Variants in YWHAG observed in about 807,000 individuals in gnomAD.
YWHAG encodes tyrosine 3-monooxygenase/tryptophan 5-monooxygenase activation protein gamma.
Under a neutral mutation model 23.3 loss-of-function variants are expected in YWHAG, and 1 was observed. The ratio of observed to expected loss-of-function variants is 0.04; its 90% CI spans 0.02 to 0.20. The LOEUF is 0.20. Among genes scored for constraint, YWHAG ranks in the 10% least tolerant of loss-of-function variants. The pLI is 1.00. For synonymous variants in YWHAG, 160 were observed against 144.0 expected (o/e 1.11, Z -0.80); for missense variants, 151 against 338.6 (o/e 0.45, Z 4.35).
At chr7:76,342,283 T>C (rs1160563947) in intron 1 of YWHAG, among the ~76,000 whole-genome samples, 1 of 152,104 alleles carries the variant, frequency 6.6e-6, no homozygotes, top group Non-Finnish European at 1.5e-5. Context: ...ATCCCACCAA[T>C]ACGGAGGAAA....
Position 76,327,131 on chromosome 7 carries a change from T to G in YWHAG, c.*2446A>C. 6.6e-6 allele frequency: 1 copy of G among 152,254 alleles called. No homozygotes were observed. The highest frequency in any genetic ancestry group is 1.9e-4 in the East Asian group (1 of 5,198). The allele number at this position is 152,254 out of a possible 1,614,324, so 9.4% of individuals were successfully genotyped here. A position where few individuals can be genotyped will look rare whatever the true frequency, so the allele number is the denominator to read the frequency against. On this transcript the variant is annotated 3_prime_UTR_variant, in exon 2 of 2. Transcript: ENST00000307630. ...CCCTTTTAAAAACAAAATATATAAC[T>G]GCATGTCACTATAGCAACATCCAAA...
chr7:76,351,214 A>G (rs1040640634), intron 1 of YWHAG, among the ~76,000 whole-genome samples: 6 of 152,188 alleles, frequency 3.9e-5, no homozygotes, highest in Admixed American at 3.9e-4. Flanking sequence ...CATTGTTCAC[A>G]GCCTTCCAAA....
intron 1 of YWHAG, among the ~76,000 whole-genome samples, chr7:76,355,633 T>C (rs932426255): frequency 4.6e-5 from 7 of 151,944 alleles, no homozygotes; most frequent in Non-Finnish European, 8.8e-5. Flanking sequence ...TGGAAGAGCC[T>C]GGGGGGGAGG....
intron 1 of YWHAG, among the ~76,000 whole-genome samples, chr7:76,357,836 A>G (rs892564080): frequency 9.2e-5 from 14 of 152,214 alleles, no homozygotes; most frequent in Admixed American, 7.2e-4. Context: ...GATCAGACAG[A>G]ATATTTTTTC....
chr7:76,348,400 C>T (rs1355363079), intron 1 of YWHAG, among the ~76,000 whole-genome samples: 7 of 149,054 alleles, frequency 4.7e-5, no homozygotes, highest in Non-Finnish European at 7.4e-5. Flanking sequence ...GGACTATAGG[C>T]GCACGCCACC....
At chr7:76,354,939 A>G (rs975651608) in intron 1 of YWHAG, among the ~76,000 whole-genome samples, 4 of 152,252 alleles carry the variant, frequency 2.6e-5, no homozygotes, top group Admixed American at 6.5e-5. Context: ...AAACGTAGCT[A>G]AAGCTAATTC....
chr7:76,336,772 T>C (rs1398228181), intron 1 of YWHAG, among the ~76,000 whole-genome samples: 1 of 151,486 alleles, frequency 6.6e-6, no homozygotes, highest in African/African-American at 2.4e-5. Context: ...TTTTTTTTTT[T>C]TCAACCTAGC....
rs1333754521 is a variant in YWHAG at position 76,327,204 on chromosome 7, C to G, written c.*2373G>C. ...CTATTTGGTAGAGCAAACTTTACCC[C>G]CAAAAGGAAAAATTAAATTAAAAAA... is the stretch of plus-strand genomic sequence containing the variant. On this transcript the variant is annotated 3_prime_UTR_variant, in exon 2 of 2. Transcript: ENST00000307630. 6.6e-6 allele frequency: 1 copy of G among 151,184 alleles called. No individual in the cohort carries two copies. Among genetic ancestry groups the G allele is most frequent in the Non-Finnish European group, 1.5e-5 (1 of 67,900 alleles). 9.4% of individuals were successfully genotyped at this position (151,184 alleles called of 1,614,324 possible). A position where few individuals can be genotyped will look rare whatever the true frequency, so the allele number is the denominator to read the frequency against.
intron 1 of YWHAG, among the ~76,000 whole-genome samples, chr7:76,330,499 T>C (rs1048364264): frequency 1.3e-5 from 2 of 152,224 alleles, no homozygotes; most frequent in African/African-American, 4.8e-5. Context: ...CACAAAACAC[T>C]GTCAAGTCTA....
Position 76,327,869 on chromosome 7 carries a change from T to C in YWHAG, c.*1708A>G, listed in dbSNP as rs572146507. On this transcript the variant is annotated 3_prime_UTR_variant, in exon 2 of 2. Transcript: ENST00000307630. Reference sequence around the variant, plus strand: ...AAACTGTGCGATGTTACAGAGCACATTGAGTCTGTGGTCATCGTGGTTCTT... The same window carrying C: ...AAACTGTGCGATGTTACAGAGCACACTGAGTCTGTGGTCATCGTGGTTCTT... 5.3e-5 allele frequency: 8 copies of C among 152,248 alleles called. No homozygotes were observed. Among genetic ancestry groups the C allele is most frequent in the South Asian group, 2.1e-4 (1 of 4,826 alleles). 9.4% of individuals were successfully genotyped at this position (152,248 alleles called of 1,614,324 possible). A position where few individuals can be genotyped will look rare whatever the true frequency, so the allele number is the denominator to read the frequency against.
chr7:76,333,103 G>T (rs1373828149), intron 1 of YWHAG, among the ~76,000 whole-genome samples: 2 of 152,120 alleles, frequency 1.3e-5, no homozygotes, highest in African/African-American at 4.8e-5. Flanking sequence ...CTGAGTGGCT[G>T]GGACTAAGGC....
At chr7:76,351,590 C>T (rs1803873100) in intron 1 of YWHAG, among the ~76,000 whole-genome samples, 1 of 152,212 alleles carries the variant, frequency 6.6e-6, no homozygotes, top group Non-Finnish European at 1.5e-5. Flanking sequence ...TGAGCTCCGC[C>T]TCCTGTCAGA....
chr7:76,353,493 G>A (rs563490891), intron 1 of YWHAG, among the ~76,000 whole-genome samples: 2 of 152,206 alleles, frequency 1.3e-5, no homozygotes, highest in Admixed American at 1.3e-4. Flanking sequence ...TTACAGGCGT[G>A]AGCCACCGTG....
intron 1 of YWHAG, among the ~76,000 whole-genome samples, chr7:76,333,525 C>T (rs890223345): frequency 6.6e-6 from 1 of 152,222 alleles, no homozygotes; most frequent in African/African-American, 2.4e-5. Context: ...TAACGATCTC[C>T]CAGCTCATCT....
Position 76,350,363 on chromosome 7 carries a change from G to C in YWHAG, c.87+8359C>G, listed in dbSNP as rs570196441. Among the ~76,000 whole-genome samples, 6 of 152,270 alleles carry C rather than the reference G, an allele frequency of 3.9e-5. No individual in the cohort carries two copies. In the East Asian group the frequency reaches 1.2e-3, roughly 29 times the overall value. On this transcript the variant is annotated intron_variant, in intron 1 of 1. Coordinates refer to ENST00000307630, the MANE Select transcript of YWHAG (RefSeq NM_012479.4). Reference sequence around the variant, plus strand: ...ACTTTCAAGGTCCTGTACTAGTGAGGACCTTAAACATTATTCTTAGCTGGT... The same window carrying C: ...ACTTTCAAGGTCCTGTACTAGTGAGCACCTTAAACATTATTCTTAGCTGGT...
At chr7:76,341,885 A>T (rs1803699099) in intron 1 of YWHAG, among the ~76,000 whole-genome samples, 1 of 152,210 alleles carries the variant, frequency 6.6e-6, no homozygotes, top group Admixed American at 6.5e-5. Flanking sequence ...ATGGTATGTA[A>T]ACTATATCTC....
chr7:76,332,638 A>G (rs1803561365), intron 1 of YWHAG, among the ~76,000 whole-genome samples: 1 of 151,788 alleles, frequency 6.6e-6, no homozygotes, highest in Non-Finnish European at 1.5e-5. Context: ...CTCCCACCTC[A>G]ATCTCCAGAG....
In YWHAG at chr7:76,355,021, T is replaced by C. The variant is rs191958797; in HGVS notation, c.87+3701A>G. 2.7e-3 allele frequency among the ~76,000 whole-genome samples: 409 copies of C among 152,336 alleles called. 2 individuals carry two copies. The highest frequency in any genetic ancestry group is 9.5e-3 in the African/African-American group (395 of 41,574). On this transcript the variant is annotated intron_variant, in intron 1 of 1. Coordinates refer to ENST00000307630, the MANE Select transcript of YWHAG (RefSeq NM_012479.4). ...AATTATCGCTGGCTGTGAGCTGTTG[T>C]GGGCACTCCATTATCGACACATTCC...
At chr7:76,342,458 T>C (rs1467615428) in intron 1 of YWHAG, among the ~76,000 whole-genome samples, 1 of 152,204 alleles carries the variant, frequency 6.6e-6, no homozygotes, top group African/African-American at 2.4e-5. Flanking sequence ...GAATTCCACC[T>C]TCAGAGGTTA....
Sources: allele counts gnomAD v4.1 joint callset (sites outside exome capture counted in the v4.1 genomes callset), GRCh38; gene constraint gnomAD v4.1.1; transcripts MANE v1.5; gene names NCBI Gene and HGNC (gene_info 2026-07-23, HGNC 2026-07-21).